Variants in ZNF587B observed in about 807,000 individuals in gnomAD.
ZNF587B encodes the protein zinc finger protein 587B.
In ZNF587B, 6 loss-of-function variants were observed where a neutral mutation model predicts 7.2. The observed-to-expected ratio is 0.83, with a 90% CI of 0.46 to 1.65. The LOEUF (loss-of-function observed/expected upper bound fraction) is 1.65, where lower values mean the gene tolerates loss of function less well. Ranked by LOEUF, ZNF587B falls within the 40% of genes most tolerant of loss-of-function variation. ZNF587B has a pLI of 0.01. For synonymous variants in ZNF587B, 274 were observed against 254.3 expected (o/e 1.08, Z -0.74); for missense variants, 749 against 761.0 (o/e 0.98, Z 0.19).
rs756958105 is a variant in ZNF587B, at chr19:57,839,159, T to C, written c.163+10T>C. 17 of 1,613,992 alleles carry C rather than the reference T, an allele frequency of 1.1e-5. No homozygotes were observed. The African/African-American group carries it at 1.6e-4, about 15-fold the overall frequency. ...CTTATGTCCTCCCTGGGTAAGTTGCTCACACTCACCCTGTGACTTGAGCTA... is the reference window on the plus strand; with the variant it reads ...CTTATGTCCTCCCTGGGTAAGTTGCCCACACTCACCCTGTGACTTGAGCTA... On this transcript the variant is annotated intron_variant, in intron 2 of 2. Transcript: ENST00000594901.
At chr19:57,838,221 C>G (rs1988702244) in intron 1 of ZNF587B, among the ~76,000 whole-genome samples, 1 of 151,344 alleles carries the variant, frequency 6.6e-6, no homozygotes, top group African/African-American at 2.4e-5. Context: ...GCAGGAGAAT[C>G]CTCAGGAGAA....
chr19:57,831,573 T>G (rs2122200267), intron 1 of ZNF587B, among the ~76,000 whole-genome samples: 1 of 152,040 alleles, frequency 6.6e-6, no homozygotes, highest in East Asian at 1.9e-4. Flanking sequence ...TTTGTATGTT[T>G]AGTAGAGATG....
rs1160167510 is a variant in ZNF587B at position 57,843,565 on chromosome 19, T to A, written c.*989T>A. The stretch of plus-strand genomic sequence containing the variant: ...AGATTTTTTTTTTAAGTTTTTTGTT[T>A]GGTTGGTTGGTTGGTTGGTTGGTTG... On this transcript the variant is annotated 3_prime_UTR_variant, in exon 3 of 3. Coordinates refer to ENST00000594901, the MANE Select transcript of ZNF587B (RefSeq NM_001376223.1). 1 of 917,632 alleles carries A rather than the reference T, an allele frequency of 1.1e-6. No homozygotes were observed. Among genetic ancestry groups the A allele is most frequent in the Non-Finnish European group, 1.3e-6 (1 of 779,882 alleles). The allele number at this position is 917,632 out of a possible 1,614,324, so 56.8% of individuals were successfully genotyped here.
intron 1 of ZNF587B, among the ~76,000 whole-genome samples, chr19:57,834,856 A>G (rs1205567416): frequency 7.5e-6 from 1 of 132,648 alleles, no homozygotes. Flanking sequence ...AAAAAAAAAA[A>G]GAAAAAAAAA....
rs1033641101 is a variant in ZNF587B, at chr19:57,842,314, A to G, written c.1640A>G (p.Gln547Arg). ...GTTCATAAGAGAGTTCACACTGGTC[A>G]GAAGCCTTATGAGTGCAGTGAATGT... ...FIVHKRVHTG[Q>R]KPYECSECGK... is the part of the protein sequence containing the mutation. The change falls in exon 3 of 3, where the codon CAG becomes CGG. Residue 547 changes from glutamine (Q) to arginine (R), a missense_variant. Transcript: ENST00000594901. The G allele has an allele frequency of 6.2e-7, 1 of 1,610,410 alleles. No individual in the cohort carries two copies.
Position 57,842,347 on chromosome 19 carries a change from CTT to C in ZNF587B, c.1676_1677del (p.Phe559CysfsTer8). The C allele has an allele frequency of 6.2e-7, 1 of 1,607,036 alleles. No individual in the cohort carries two copies. ...TATGAGTGCAGTGAATGTGGGAAAT[CTT>C]TTGCTGCAAGCTCCTATCTCACTAG... is the stretch of plus-strand genomic sequence containing the variant. On this transcript the variant is annotated frameshift_variant, in exon 3 of 3. Coordinates refer to ENST00000594901, the MANE Select transcript of ZNF587B (RefSeq NM_001376223.1). LOFTEE classifies it low-confidence loss of function (END_TRUNC).
rs564787132 is a variant in ZNF587B, at chr19:57,844,383, C to A, written c.*1807C>A. On this transcript the variant is annotated 3_prime_UTR_variant, in exon 3 of 3. Transcript: ENST00000594901. ...CCGGGCATGGTGGCGCACCTGTAGC[C>A]GCAGCTACTCAGGAGGCTGAGGCAG... 2.9e-4 allele frequency: 80 copies of A among 279,804 alleles called. No homozygotes were observed. The highest frequency in any genetic ancestry group is 1.8e-3 in the African/African-American group (78 of 42,592). The allele number at this position is 279,804 out of a possible 1,614,324, so 17.3% of individuals were successfully genotyped here. A position where few individuals can be genotyped will look rare whatever the true frequency, so the allele number is the denominator to read the frequency against.
Position 57,839,034 on chromosome 19 carries a change from T to G in ZNF587B, c.48T>G (p.Thr16=), listed in dbSNP as rs1988739302. 5.0e-6 allele frequency: 8 copies of G among 1,613,998 alleles called. No individual in the cohort carries two copies. The highest frequency in any genetic ancestry group is 1.7e-5 in the Admixed American group (1 of 60,002). Reference sequence around the variant, plus strand: ...CAACATCATAACAGGGCACAGTGACTTTTGAAGACGTGGCTGTGAAATTTA... The same window carrying G: ...CAACATCATAACAGGGCACAGTGACGTTTGAAGACGTGGCTGTGAAATTTA... The part of the protein sequence containing the change: ...TLRLSAQGTV[T]FEDVAVKFTQ... Residue 16 remains threonine, a synonymous_variant, in exon 2 of 3, where the codon ACT becomes ACG. Coordinates refer to ENST00000594901, the MANE Select transcript of ZNF587B (RefSeq NM_001376223.1).
At chr19:57,836,780 A>G (rs546749244) in intron 1 of ZNF587B, among the ~76,000 whole-genome samples, 46 of 152,166 alleles carry the variant, frequency 3.0e-4, no homozygotes, top group African/African-American at 1.1e-3. Flanking sequence ...CCTGCCCAAT[A>G]TGGTGAAAGA....
chr19:57,842,035 T>C lies in ZNF587B; in HGVS notation c.1361T>C (p.Ile454Thr). 6.3e-7 allele frequency: 1 copy of C among 1,593,230 alleles called. No homozygotes were observed. Among genetic ancestry groups the C allele is most frequent in the Non-Finnish European group, 8.5e-7 (1 of 1,169,674 alleles). The change falls in exon 3 of 3, where the codon ATT becomes ACT. Residue 454 changes from isoleucine to threonine, a missense_variant. Ile to Thr is a moderately conservative substitution (Grantham distance 89). Coordinates refer to ENST00000594901, the MANE Select transcript of ZNF587B (RefSeq NM_001376223.1). ...TGTTTTAGTCACAAGGGTAACCTCA[T>C]TCTACACCAGCATGGCCATACTAGA... The part of the protein sequence containing the change: ...GKCFSHKGNL[I>T]LHQHGHTRKR...
In ZNF587B at chr19:57,843,218, C is replaced by A. The variant is rs950962788; in HGVS notation, c.*642C>A. On this transcript the variant is annotated 3_prime_UTR_variant, in exon 3 of 3. Transcript: ENST00000594901. ...ATGTTTCCAGGCTGGTATCGAACTC[C>A]TGAGCTCAAGCAATCTGTACACCTC... The A allele has an allele frequency of 3.7e-5, 32 of 867,678 alleles. No homozygotes were observed. The highest frequency in any genetic ancestry group is 4.4e-5 in the Non-Finnish European group (32 of 723,030). 53.7% of individuals were successfully genotyped at this position (867,678 alleles called of 1,614,324 possible).
At chr19:57,834,857 GA>G (rs370741807) in intron 1 of ZNF587B, among the ~76,000 whole-genome samples, 9,233 of 121,930 alleles carry the variant, frequency 0.076, 12 homozygotes, top group Non-Finnish European at 0.11. Context: ...AAAAAAAAAA[GA>G]AAAAAAAAAG....
intron 2 of ZNF587B, 55 bp downstream of exon 2, chr19:57,839,204 T>A: frequency 6.2e-7 from 1 of 1,602,596 alleles, no homozygotes. Context: ...TTCCCCTGTC[T>A]TTCCCCATTG....
rs1451650978 is a variant in ZNF587B, at chr19:57,841,808, A to AG, written c.1135dup (p.Val379GlyfsTer20). 1.2e-6 allele frequency: 2 copies of AG among 1,611,814 alleles called. No homozygotes were observed. The highest frequency in any genetic ancestry group is 1.1e-5 in the South Asian group (1 of 90,880). On this transcript the variant is annotated frameshift_variant, in exon 3 of 3. Coordinates refer to ENST00000594901, the MANE Select transcript of ZNF587B (RefSeq NM_001376223.1). LOFTEE classifies it low-confidence loss of function (END_TRUNC). The stretch of plus-strand genomic sequence containing the variant: ...GTTACCATCAGCGCATTCACACTGA[A>AG]GTAAGACCTTACAAGTGTGGAGAAT...
Position 57,843,349 on chromosome 19 carries a change from A to G in ZNF587B, c.*773A>G, listed in dbSNP as rs1268531995. ...TCCTTTGAGGGCACCATGTGCCCAAATTGAAAAAACTCCAGGCATGTGGCA... is the reference window on the plus strand; with the variant it reads ...TCCTTTGAGGGCACCATGTGCCCAAGTTGAAAAAACTCCAGGCATGTGGCA... On this transcript the variant is annotated 3_prime_UTR_variant, in exon 3 of 3. Transcript: ENST00000594901. The G allele has an allele frequency of 6.1e-6, 6 of 985,390 alleles. No homozygotes were observed. In the East Asian group the frequency reaches 6.8e-4, roughly 112 times the overall value. The allele number at this position is 985,390 out of a possible 1,614,324, so 61.0% of individuals were successfully genotyped here.
chr19:57,838,912 T>C, intron 1 of ZNF587B, 111 bp from the exon 2 acceptor site: 1 of 1,414,678 alleles, frequency 7.1e-7, no homozygotes. Flanking sequence ...GTTTCTCCTA[T>C]GTTTGAGGAC....
At chr19:57,831,709 T>A (rs540128480) in intron 1 of ZNF587B, among the ~76,000 whole-genome samples, 31 of 141,450 alleles carry the variant, frequency 2.2e-4, no homozygotes, top group African/African-American at 3.7e-4. Context: ...TATTTATTTA[T>A]TTTTTTTTTT....
rs1378816639 is a variant in ZNF587B, at chr19:57,841,615, G to T, written c.941G>T (p.Arg314Met). The T allele has an allele frequency of 1.3e-6, 2 of 1,586,360 alleles. No individual in the cohort carries two copies. The change falls in exon 3 of 3, where the codon AGG becomes ATG. Residue 314 changes from arginine (R) to methionine (M), a missense_variant. Physicochemically the swap from Arg to Met is moderately conservative, Grantham distance 91. Coordinates refer to ENST00000594901, the MANE Select transcript of ZNF587B (RefSeq NM_001376223.1). ...TATTTTAGCTTAGAAGGATATCTTA[G>T]GCGCCATCAAAAAGTTCACGCTGGA... ...GKYFSLEGYL[R>M]RHQKVHAGKG...
chr19:57,837,548 A>G (rs1041799358), intron 1 of ZNF587B, among the ~76,000 whole-genome samples: 1 of 150,992 alleles, frequency 6.6e-6, no homozygotes, highest in African/African-American at 2.4e-5. Context: ...TCCCAGGTTC[A>G]CGCCATTCTC....
Sources: allele counts gnomAD v4.1 joint callset (sites outside exome capture counted in the v4.1 genomes callset), GRCh38; gene constraint gnomAD v4.1.1; transcripts MANE v1.5; gene names NCBI Gene and HGNC (gene_info 2026-07-23, HGNC 2026-07-21).